Variants in STPG2 observed in about 807,000 individuals in gnomAD.
STPG2 encodes sperm-tail PG-rich repeat-containing protein 2.
In STPG2, 56 loss-of-function variants were observed where a neutral mutation model predicts 54.2. That is an observed-to-expected ratio of 1.03 (90% CI 0.83 to 1.29). The LOEUF (loss-of-function observed/expected upper bound fraction) is 1.29. Ranked by LOEUF, STPG2 falls within the 50% of genes most tolerant of loss-of-function variation. The pLI is 0.00. For missense variants in STPG2, 596 were observed against 544.9 expected (o/e 1.09, Z -0.93); for synonymous variants, 200 against 181.8 (o/e 1.10, Z -0.81).
At chr4:97,663,933 C>T (rs1047615069) in intron 10 of STPG2, among the ~76,000 whole-genome samples, 7 of 152,098 alleles carry the variant, frequency 4.6e-5, no homozygotes, top group African/African-American at 9.7e-5. Context: ...TGATATAATG[C>T]ACCCTACATG....
chr4:97,724,991 G>C (rs916702680), intron 9 of STPG2, among the ~76,000 whole-genome samples: 7 of 152,042 alleles, frequency 4.6e-5, no homozygotes, highest in African/African-American at 1.7e-4. Flanking sequence ...AACTCTTCTT[G>C]ACTCAAATCC....
chr4:97,901,006 C>T (rs1158773846), intron 8 of STPG2, among the ~76,000 whole-genome samples: 1 of 151,756 alleles, frequency 6.6e-6, no homozygotes, highest in Non-Finnish European at 1.5e-5. Flanking sequence ...TCAGGCAACA[C>T]TCAAAGAAAA....
At chr4:97,721,170 T>C (rs943548995) in intron 9 of STPG2, among the ~76,000 whole-genome samples, 5 of 152,116 alleles carry the variant, frequency 3.3e-5, no homozygotes, top group Non-Finnish European at 7.4e-5. Context: ...ACAGCATTTT[T>C]TGCTAGTAAC....
intron 9 of STPG2, among the ~76,000 whole-genome samples, chr4:97,831,422 A>C (rs1728456170): frequency 6.6e-6 from 1 of 152,210 alleles, no homozygotes; most frequent in South Asian, 2.1e-4. Context: ...AGAAAGTAGG[A>C]AAGATCTAAA....
intron 8 of STPG2, among the ~76,000 whole-genome samples, chr4:97,934,781 C>T (rs1578706959): frequency 1.3e-5 from 2 of 152,130 alleles, no homozygotes; most frequent in East Asian, 1.9e-4. Context: ...AGGATTTTTG[C>T]ATCTATGTTC....
At position 97,611,942 on chromosome 4, in the gene STPG2, G is replaced by T. The variant is rs868190810; in HGVS notation, c.1321-52825C>A. Reference sequence around the variant, plus strand: ...AAAGTAGAAGAAGCACTCACAGAGAGAAAGAGTGAATCTCTGAAATTATGT... The same window carrying T: ...AAAGTAGAAGAAGCACTCACAGAGATAAAGAGTGAATCTCTGAAATTATGT... On this transcript the variant is annotated intron_variant, in intron 10 of 10. Transcript: ENST00000295268. Among the ~76,000 whole-genome samples, 5 of 151,928 alleles carry T rather than the reference G, an allele frequency of 3.3e-5. No homozygotes were observed. The Middle Eastern group carries it at 0.01, about 314-fold the overall frequency.
At chr4:98,016,291 A>T (rs1735943652) in intron 5 of STPG2, among the ~76,000 whole-genome samples, 1 of 152,130 alleles carries the variant, frequency 6.6e-6, no homozygotes, top group South Asian at 2.1e-4. Context: ...AGCTTCATGG[A>T]TCTGGATGTT....
At chr4:97,871,188 T>G (rs1480678709) in intron 8 of STPG2, among the ~76,000 whole-genome samples, 1 of 150,290 alleles carries the variant, frequency 6.7e-6, no homozygotes, top group African/African-American at 2.4e-5. Flanking sequence ...AAAAACTCAA[T>G]TAAAGGAAAT....
chr4:98,050,734 G>A lies in STPG2; in HGVS notation c.612+55219C>T, dbSNP rs144415502. Among the ~76,000 whole-genome samples the A allele has an allele frequency of 3.1e-3, 474 of 152,244 alleles. 6 individuals are homozygous for A. Among genetic ancestry groups the A allele is most frequent in the African/African-American group, 0.011 (440 of 41,562 alleles). ...TTTTAACGAAAAGGAAGCCGGGCGC[G>A]GTGGCTCACGCCTGTAATCCCAGCA... On this transcript the variant is annotated intron_variant, in intron 5 of 10. Coordinates refer to ENST00000295268, the MANE Select transcript of STPG2 (RefSeq NM_174952.3).
chr4:97,479,296 T>C (rs1730160061), intron 4 of STPG2, among the ~76,000 whole-genome samples: 1 of 151,940 alleles, frequency 6.6e-6, no homozygotes, highest in African/African-American at 2.4e-5. Flanking sequence ...TTGATTTTTA[T>C]CAATTCTAAG....
In STPG2 at chr4:97,466,359, T is replaced by C. The variant is rs1578321127; in HGVS notation, c.462+246340A>G. Among the ~76,000 whole-genome samples, 3 of 152,190 alleles carry C rather than the reference T, an allele frequency of 2.0e-5. No individual in the cohort carries two copies. The South Asian group carries it at 6.2e-4, about 32-fold the overall frequency. The stretch of plus-strand genomic sequence containing the variant: ...GCCCTAATCAGTTAACTCTTAGTGA[T>C]AATGGTTAAGATGAGTATGGTTTCT... On this transcript the variant is annotated intron_variant, in intron 4 of 4. Transcript: ENST00000522676.
At chr4:97,846,367 C>G (rs1728948444) in intron 8 of STPG2, among the ~76,000 whole-genome samples, 1 of 152,090 alleles carries the variant, frequency 6.6e-6, no homozygotes, top group Admixed American at 6.6e-5. Context: ...TGGCTCATGC[C>G]TGTAATCCCA....
At chr4:97,459,318 T>C (rs924047185) in intron 4 of STPG2, among the ~76,000 whole-genome samples, 1 of 152,122 alleles carries the variant, frequency 6.6e-6, no homozygotes, top group Non-Finnish European at 1.5e-5. Context: ...GTCACTTTTC[T>C]AGACATTCAA....
intron 4 of STPG2, among the ~76,000 whole-genome samples, chr4:97,455,883 C>G (rs562053143): frequency 6.6e-6 from 1 of 152,294 alleles, no homozygotes; most frequent in African/African-American, 2.4e-5. Flanking sequence ...ACCTGCCCAT[C>G]TACATTCTCC....
At chr4:97,470,465 A>C (rs1729896011) in intron 4 of STPG2, among the ~76,000 whole-genome samples, 1 of 152,136 alleles carries the variant, frequency 6.6e-6, no homozygotes, top group South Asian at 2.1e-4. Flanking sequence ...TGTAATCTTT[A>C]ATATATAGTA....
At chr4:97,601,481 C>CT (rs1404569607) in intron 10 of STPG2, among the ~76,000 whole-genome samples, 1 of 151,986 alleles carries the variant, frequency 6.6e-6, no homozygotes, top group East Asian at 1.9e-4. Context: ...AATCCAATTT[C>CT]TTTTTTTCCC....
chr4:97,950,492 A>AT (rs1459446112), intron 7 of STPG2, among the ~76,000 whole-genome samples: 1 of 151,720 alleles, frequency 6.6e-6, no homozygotes, highest in East Asian at 1.9e-4. Context: ...TCATATGCTG[A>AT]TTTTTTCAAA....
In STPG2 at chr4:97,869,870, T is replaced by C. The variant is rs544496723; in HGVS notation, c.1045-28938A>G. Among the ~76,000 whole-genome samples, 3 of 151,686 alleles carry C rather than the reference T, an allele frequency of 2.0e-5. No individual in the cohort carries two copies. In the South Asian group the frequency reaches 6.2e-4, roughly 31 times the overall value. ...CAAATATTTGTCTACAAGTTGTAGG[T>C]CATCTTCTCACCAATAATATGACTT... On this transcript the variant is annotated intron_variant, in intron 8 of 10. Coordinates refer to ENST00000295268, the MANE Select transcript of STPG2 (RefSeq NM_174952.3).
intron 8 of STPG2, among the ~76,000 whole-genome samples, chr4:97,846,409 G>A (rs996363111): frequency 2.6e-5 from 4 of 151,820 alleles, no homozygotes; most frequent in African/African-American, 7.3e-5. Flanking sequence ...GTTGGATCAC[G>A]AGATCAGGAG....
Sources: gnomAD v4.1 joint callset for allele counts (sites outside exome capture counted in the v4.1 genomes callset) on GRCh38, gnomAD v4.1.1 for gene constraint, MANE v1.5 for transcripts, NCBI Gene and HGNC (gene_info 2026-07-23, HGNC 2026-07-21) for gene names.